Variants in MTOR observed in about 807,000 individuals in gnomAD.
The protein encoded by MTOR is mechanistic target of rapamycin kinase.
In MTOR, 70 loss-of-function variants were observed where a neutral mutation model predicts 319.8. That is an observed-to-expected ratio of 0.22 (90% CI 0.18 to 0.27). The LOEUF (loss-of-function observed/expected upper bound fraction) is 0.27, where lower values mean the gene tolerates loss of function less well. Among genes scored for constraint, MTOR ranks in the 10% least tolerant of loss-of-function variants. MTOR has a pLI of 1.00. For missense variants in MTOR, 1,890 were observed against 3,274.4 expected, an observed-to-expected ratio of 0.58 and a Z score of 10.32; for synonymous variants, 1,183 against 1,211.4, an observed-to-expected ratio of 0.98 and a Z score of 0.49.
intron 54 of MTOR, chr1:11,111,263 G>A: frequency 2.4e-6 from 1 of 411,080 alleles, no homozygotes; most frequent in Non-Finnish European, 4.8e-6. Context: ...CAGATCACTT[G>A]AGGTCAGGAG....
At chr1:11,148,227 T>G (rs190604691) in intron 31 of MTOR, among the ~76,000 whole-genome samples, 3 of 151,922 alleles carry the variant, frequency 2.0e-5, no homozygotes, top group Admixed American at 2.0e-4. Flanking sequence ...AAAGCAGAAA[T>G]CTGGAAAAAG....
At chr1:11,182,952 T>C (rs889135209) in intron 28 of MTOR, among the ~76,000 whole-genome samples, 7 of 152,244 alleles carry the variant, frequency 4.6e-5, no homozygotes, top group Non-Finnish European at 8.8e-5. Context: ...CTGGAGCATG[T>C]GTGCTTGCAC....
intron 30 of MTOR, among the ~76,000 whole-genome samples, chr1:11,153,941 T>G (rs555830466): frequency 2.0e-5 from 3 of 151,042 alleles, no homozygotes; most frequent in Admixed American, 6.6e-5. Context: ...TGGTGGTGCA[T>G]GCCTGTAATC....
chr1:11,191,493 C>T (rs1412847033), intron 28 of MTOR, among the ~76,000 whole-genome samples: 2 of 152,172 alleles, frequency 1.3e-5, no homozygotes, highest in East Asian at 3.8e-4. Flanking sequence ...CGAGACATAG[C>T]AGGCAGGAAG....
intron 30 of MTOR, among the ~76,000 whole-genome samples, chr1:11,150,779 G>C (rs999226770): frequency 2.6e-5 from 4 of 152,178 alleles, no homozygotes; most frequent in Non-Finnish European, 5.9e-5. Context: ...TGAATGTGAA[G>C]GAGGACTATG....
intron 26 of MTOR, among the ~76,000 whole-genome samples, chr1:11,200,797 C>T (rs1201507158): frequency 6.6e-6 from 1 of 152,074 alleles, no homozygotes; most frequent in Non-Finnish European, 1.5e-5. Context: ...GGGCGGATCA[C>T]AAGGTCAGGA....
intron 28 of MTOR, among the ~76,000 whole-genome samples, chr1:11,175,316 G>A (rs1052007136): frequency 2.0e-5 from 3 of 152,154 alleles, no homozygotes; most frequent in Non-Finnish European, 2.9e-5. Context: ...GCAGAAGGAG[G>A]CCGCTGTACA....
chr1:11,200,442 T>A (rs1052495727), intron 26 of MTOR, among the ~76,000 whole-genome samples: 2 of 152,184 alleles, frequency 1.3e-5, no homozygotes, highest in African/African-American at 4.8e-5. Context: ...ATGACCACTT[T>A]ACATTACCAC....
intron 32 of MTOR, among the ~76,000 whole-genome samples, chr1:11,145,753 C>T (rs1303572280): frequency 2.0e-5 from 3 of 152,144 alleles, no homozygotes; most frequent in African/African-American, 7.2e-5. Context: ...ATCCGTCTGC[C>T]TCGGCCTCCC....
chr1:11,172,212 C>T (rs1023234740), intron 28 of MTOR, among the ~76,000 whole-genome samples: 16 of 152,068 alleles, frequency 1.1e-4, no homozygotes, highest in Admixed American at 2.6e-4. Context: ...GGGGGTGCAC[C>T]TTGGGATCCA....
At chr1:11,228,993 A>G in intron 18 of MTOR, 75 bp from the exon 19 acceptor site, 5 of 1,540,286 alleles carry the variant, frequency 3.2e-6, no homozygotes, top group Non-Finnish European at 4.4e-6. Context: ...GGTTAGTAAC[A>G]AACAACCTCC....
intron 28 of MTOR, among the ~76,000 whole-genome samples, chr1:11,182,188 G>A (rs1645181667): frequency 6.6e-6 from 1 of 151,134 alleles, no homozygotes; most frequent in South Asian, 2.1e-4. Flanking sequence ...CTGCGCTCCA[G>A]CCTGGGCAAT....
chr1:11,150,795 T>C (rs182057557), intron 30 of MTOR, among the ~76,000 whole-genome samples: 1 of 152,296 alleles, frequency 6.6e-6, no homozygotes, highest in East Asian at 1.9e-4. Flanking sequence ...CTATGAGATA[T>C]TGAGATATAA....
Position 11,175,715 on chromosome 1 carries a change from T to C in MTOR, c.4254-8198A>G, listed in dbSNP as rs554583226. On this transcript the variant is annotated intron_variant, in intron 28 of 57. Transcript: ENST00000361445. ...GGCAGTGGCGCCTGCTGCCTCCCCA[T>C]AGCCCTTTCCTCTCAGGCTCTCCCT... Among the ~76,000 whole-genome samples, 163 of 150,580 alleles carry C rather than the reference T, an allele frequency of 1.1e-3. 1 individual carries two copies. Among genetic ancestry groups the C allele is most frequent in the Non-Finnish European group, 1.9e-3 (131 of 67,792 alleles).
intron 23 of MTOR, among the ~76,000 whole-genome samples, 194 bp from the exon 24 acceptor site, chr1:11,211,100 G>A (rs1045972213): frequency 6.6e-6 from 1 of 152,164 alleles, no homozygotes; most frequent in East Asian, 1.9e-4. Flanking sequence ...GGTTTATGAT[G>A]GTGGCCTCTT....
chr1:11,165,634 AG>A (rs2100602624), intron 29 of MTOR, among the ~76,000 whole-genome samples: 1 of 152,328 alleles, frequency 6.6e-6, no homozygotes, highest in African/African-American at 2.4e-5. Context: ...GCTCATGGAT[AG>A]GAAGAATCAA....
Position 11,147,252 on chromosome 1 carries a change from A to G in MTOR, c.4571-461T>C, listed in dbSNP as rs180857576. On this transcript the variant is annotated intron_variant, in intron 31 of 57. Transcript: ENST00000361445. ...AGCCATTACACAGATGATAGGGGAC[A>G]GGATTAGACAAATAGCTTGCCCATT... Among the ~76,000 whole-genome samples the G allele has an allele frequency of 5.9e-5, 9 of 151,646 alleles. No homozygotes were observed. In the East Asian group the frequency reaches 1.8e-3, roughly 30 times the overall value.
intron 28 of MTOR, among the ~76,000 whole-genome samples, chr1:11,170,086 G>T (rs1261013923): frequency 6.6e-6 from 1 of 152,220 alleles, no homozygotes; most frequent in Non-Finnish European, 1.5e-5. Context: ...GCAAGGCAAT[G>T]AACCAGAATA....
chr1:11,144,846 T>A, intron 33 of MTOR, 91 bp from the exon 34 acceptor site: 1 of 1,512,818 alleles, frequency 6.6e-7, no homozygotes, highest in South Asian at 1.1e-5. Context: ...GGTGTCAGGG[T>A]ATCTGCCGAT....
Sources: gnomAD v4.1 joint callset for allele counts (sites outside exome capture counted in the v4.1 genomes callset) on GRCh38, gnomAD v4.1.1 for gene constraint, MANE v1.5 for transcripts, NCBI Gene and HGNC (gene_info 2026-07-23, HGNC 2026-07-21) for gene names.